Variants in DNAH3 observed in about 807,000 individuals in gnomAD.
The protein encoded by DNAH3 is dynein axonemal heavy chain 3, also known as axonemal beta dynein heavy chain 3.
In DNAH3, 332 loss-of-function variants were observed where a neutral mutation model predicts 432.5. That is an observed-to-expected ratio of 0.77 (90% CI 0.70 to 0.84). DNAH3 has a LOEUF of 0.84. DNAH3 is among the 40% of genes least tolerant of loss of function. The pLI is 0.00. For missense variants in DNAH3, 4,861 were observed against 5,114.0 expected (o/e 0.95, Z 1.51); for synonymous variants, 1,956 against 1,900.2 (o/e 1.03, Z -0.76).
At chr16:20,998,659 A>G (rs534857359) in intron 43 of DNAH3, among the ~76,000 whole-genome samples, 5 of 150,020 alleles carry the variant, frequency 3.3e-5, no homozygotes, top group East Asian at 2.0e-4. Flanking sequence ...GTCCTGGCAC[A>G]TCAGAGGCAC....
At position 21,051,729 on chromosome 16, in the gene DNAH3, A is replaced by T. The variant is rs781002753; in HGVS notation, c.4179T>A (p.Tyr1393Ter). Reference sequence around the variant, plus strand: ...GCCGGGGGGAGTTTCCCAGGTACTCATAGCCATACAAGGCTTCTGTGGTGA... The same window carrying T: ...GCCGGGGGGAGTTTCCCAGGTACTCTTAGCCATACAAGGCTTCTGTGGTGA... Residue 1393 changes from tyrosine to a stop codon, truncating the protein, a stop_gained, in exon 29 of 62, where the codon TAT (tyrosine) becomes TAA (stop). Transcript: ENST00000261383. LOFTEE classifies it high-confidence loss of function. 51 of 1,613,846 alleles carry T rather than the reference A, an allele frequency of 3.2e-5. No individual in the cohort carries two copies. The highest frequency in any genetic ancestry group is 1.7e-6 in the Non-Finnish European group (2 of 1,180,050).
At chr16:20,946,717 G>C (rs1054058055) in intron 57 of DNAH3, among the ~76,000 whole-genome samples, 3 of 151,884 alleles carry the variant, frequency 2.0e-5, no homozygotes, top group African/African-American at 7.3e-5. Context: ...AGGCCTTAGG[G>C]GCAGGCCGCA....
rs2089256412 is a variant in DNAH3, at chr16:21,037,981, C to T, written c.4731-1G>A. The T allele has an allele frequency of 6.2e-7, 1 of 1,613,734 alleles. No homozygotes were observed. Among genetic ancestry groups the T allele is most frequent in the Non-Finnish European group, 8.5e-7 (1 of 1,179,914 alleles). ...GGTCGCAACGATCTTCTGGGCGAGA[C>T]TAGAAGGGCAAAGACATGTATGCGG... On this transcript the variant is annotated splice_acceptor_variant, in intron 33 of 61. Coordinates refer to ENST00000261383, the Ensembl canonical transcript of DNAH3. LOFTEE classifies it high-confidence loss of function.
chr16:21,151,320 CG>C (rs1567882467), intron 1 of DNAH3, among the ~76,000 whole-genome samples: 5 of 117,682 alleles, frequency 4.2e-5, no homozygotes, highest in African/African-American at 1.6e-4. Flanking sequence ...AGTTTTTCCC[CG>C]TTTTTTTTTT....
chr16:21,074,781 T>G (rs1463068176), intron 21 of DNAH3, among the ~76,000 whole-genome samples: 2 of 152,052 alleles, frequency 1.3e-5, no homozygotes, highest in Non-Finnish European at 2.9e-5. Context: ...CCTCCATGAT[T>G]TACAGCTCCC....
chr16:21,125,379 A>G lies in DNAH3; in HGVS notation c.1209-9T>C, dbSNP rs1360318758. 3.2e-6 allele frequency: 5 copies of G among 1,577,110 alleles called. No individual in the cohort carries two copies. In the African/African-American group the frequency reaches 6.8e-5, roughly 21 times the overall value. ...CGCAGGTGGGGATCCACCTGTAAAG[A>G]CAGAAGGGTGTCCATGTGAGAAGCT... On this transcript the variant is annotated splice_polypyrimidine_tract_variant and intron_variant, in intron 8 of 61. Transcript: ENST00000261383.
chr16:20,936,941 CAGTT>C (rs1177889998), intron 59 of DNAH3, 88 bp from the exon 60 acceptor site: 1 of 1,041,670 alleles, frequency 9.6e-7, no homozygotes, highest in Non-Finnish European at 1.4e-6. Context: ...TTTAAAATGT[CAGTT>C]AATTAATGCA....
intron 19 of DNAH3, among the ~76,000 whole-genome samples, chr16:21,083,014 T>C (rs2091246610): frequency 6.7e-6 from 1 of 149,490 alleles, no homozygotes; most frequent in Non-Finnish European, 1.5e-5. Flanking sequence ...AATTTTTCTT[T>C]TTCCATACTT....
Position 20,959,375 on chromosome 16 carries a change from T to TACCA in DNAH3, c.10626_10629dup (p.Met3544TrpfsTer54). Reference sequence around the variant, plus strand: ...ATGGTCTGTGTTCTGGTACCTCCCATACCAAGATCATCAGCAAACTTCAGC... The same window carrying TACCA: ...ATGGTCTGTGTTCTGGTACCTCCCATACCAACCAAGATCATCAGCAAACTTCAGC... On this transcript the variant is annotated frameshift_variant, in exon 54 of 62. Coordinates refer to ENST00000261383, the Ensembl canonical transcript of DNAH3. LOFTEE classifies it high-confidence loss of function. 1 of 1,613,136 alleles carries TACCA rather than the reference T, an allele frequency of 6.2e-7. No individual in the cohort carries two copies. Among genetic ancestry groups the TACCA allele is most frequent in the South Asian group, 1.1e-5 (1 of 91,072 alleles).
At chr16:21,058,924 C>T (rs928437832) in intron 26 of DNAH3, among the ~76,000 whole-genome samples, 1 of 150,680 alleles carries the variant, frequency 6.6e-6, no homozygotes, top group Non-Finnish European at 1.5e-5. Context: ...TTGATAGGTG[C>T]AGCAAACCAC....
At chr16:20,977,127 C>A in intron 50 of DNAH3, among the ~76,000 whole-genome samples, 1 of 152,124 alleles carries the variant, frequency 6.6e-6, no homozygotes, top group Middle Eastern at 3.2e-3. Context: ...GTAATCCCAG[C>A]ACTTTGGGAG....
At chr16:20,948,302 C>T (rs1409727146) in intron 57 of DNAH3, among the ~76,000 whole-genome samples, 181 bp downstream of exon 57, 1 of 152,092 alleles carries the variant, frequency 6.6e-6, no homozygotes, top group East Asian at 1.9e-4. Flanking sequence ...CCGACCCCCT[C>T]CTTAAACAGT....
intron 40 of DNAH3, among the ~76,000 whole-genome samples, chr16:21,020,114 G>A (rs1014430476): frequency 3.4e-4 from 51 of 149,358 alleles, no homozygotes; most frequent in African/African-American, 1.2e-3. Flanking sequence ...TCAACCTCCC[G>A]GGCTCAAGTG....
chr16:20,951,124 T>G (rs1171208560), intron 56 of DNAH3, among the ~76,000 whole-genome samples: 1 of 152,072 alleles, frequency 6.6e-6, no homozygotes, highest in East Asian at 1.9e-4. Flanking sequence ...TATGATCAAG[T>G]TTTACACATT....
At chr16:20,967,758 T>C (rs1340896192) in intron 52 of DNAH3, among the ~76,000 whole-genome samples, 1 of 152,016 alleles carries the variant, frequency 6.6e-6, no homozygotes. Context: ...TCCTCCCATC[T>C]TGGCCTCCCA....
chr16:20,973,068 T>C (rs753814874), intron 51 of DNAH3, among the ~76,000 whole-genome samples: 1 of 152,068 alleles, frequency 6.6e-6, no homozygotes, highest in Non-Finnish European at 1.5e-5. Context: ...TAGGCTGCTT[T>C]TTAATCAAGC....
intron 33 of DNAH3, among the ~76,000 whole-genome samples, 180 bp from the exon 34 acceptor site, chr16:21,038,160 A>G (rs1390138007): frequency 1.3e-5 from 2 of 152,178 alleles, no homozygotes; most frequent in Admixed American, 6.6e-5. Flanking sequence ...TGGAAGCATG[A>G]AAAAAAGCAA....
rs535862421 is a variant in DNAH3 at position 21,058,024 on chromosome 16, C to T, written c.3924+62G>A. On this transcript the variant is annotated intron_variant, in intron 27 of 61. Transcript: ENST00000261383. ...ACAAAACATGGCTACTCTAATTATA[C>T]GTCATTCAAATCCTAATTGATGCTT... is the stretch of plus-strand genomic sequence containing the variant. The T allele has an allele frequency of 4.0e-5, 40 of 997,262 alleles. No individual in the cohort carries two copies. In the East Asian group the frequency reaches 5.7e-4, roughly 14 times the overall value. 61.8% of individuals were successfully genotyped at this position (997,262 alleles called of 1,614,324 possible).
intron 51 of DNAH3, among the ~76,000 whole-genome samples, chr16:20,970,863 C>CTT (rs869203073): frequency 0.087 from 10,834 of 123,952 alleles, 632 homozygotes; most frequent in East Asian, 0.16. Context: ...TTTCTCTATT[C>CTT]TTTTTTTTTT....
Sources: allele counts gnomAD v4.1 joint callset (sites outside exome capture counted in the v4.1 genomes callset), GRCh38; gene constraint gnomAD v4.1.1; transcripts MANE v1.5; gene names NCBI Gene and HGNC (gene_info 2026-07-23, HGNC 2026-07-21).